SLC2A9: variants seen among roughly 807,000 people sequenced by gnomAD.
SLC2A9 encodes the protein solute carrier family 2 member 9.
SLC2A9 carries 39 observed loss-of-function variants against 50.6 expected under a neutral mutation model. The observed-to-expected ratio is 0.77, with a 90% CI of 0.60 to 1.01. The LOEUF (loss-of-function observed/expected upper bound fraction) is 1.01, where lower values mean the gene tolerates loss of function less well. Among genes scored for constraint, SLC2A9 ranks in the 50% least tolerant of loss-of-function variants. SLC2A9 has a pLI of 0.00. For missense variants in SLC2A9, 686 were observed against 677.6 expected (o/e 1.01, Z -0.14); for synonymous variants, 324 against 276.9 (o/e 1.17, Z -1.69).
Position 9,826,488 on chromosome 4 carries a change from C to T in SLC2A9, c.1532G>A (p.Ser511Asn), listed in dbSNP as rs754684143. Reference sequence around the variant, plus strand: ...TTTGTTCCTTTTGGAAAATGCCTGGCTGATTTCTGCATAGGTTCTGTTTTT... The same window carrying T: ...TTTGTTCCTTTTGGAAAATGCCTGGTTGATTTCTGCATAGGTTCTGTTTTT... ...ETKNRTYAEISQAFSKRNKAY... is the reference protein window; with the variant it reads ...ETKNRTYAEINQAFSKRNKAY... The change falls in exon 12 of 12, where the codon AGC becomes AAC. Residue 511 changes from serine (S) to asparagine (N), a missense_variant. Physicochemically the swap from Ser to Asn is conservative, Grantham distance 46 (BLOSUM62 1). Transcript: ENST00000264784. The T allele has an allele frequency of 6.2e-7, 1 of 1,614,050 alleles. No individual in the cohort carries two copies. The highest frequency in any genetic ancestry group is 1.1e-5 in the South Asian group (1 of 91,074).
intron 5 of SLC2A9, among the ~76,000 whole-genome samples, chr4:9,948,340 T>C (rs1191631770): frequency 6.6e-6 from 1 of 152,160 alleles, no homozygotes; most frequent in Non-Finnish European, 1.5e-5. Context: ...GGTTAATTGG[T>C]CTGGGGGTGC....
downstream of SLC2A9, among the ~76,000 whole-genome samples, chr4:9,795,264 C>G (rs533057871): frequency 8.3e-4 from 126 of 152,168 alleles, no homozygotes; most frequent in African/African-American, 2.9e-3. Flanking sequence ...CCTGCTTCAG[C>G]CTTCCAAAGT....
chr4:9,845,892 T>C (rs1285921348), intron 10 of SLC2A9, among the ~76,000 whole-genome samples: 6 of 152,258 alleles, frequency 3.9e-5, no homozygotes, highest in Admixed American at 2.0e-4. Flanking sequence ...TTTTGAAAAC[T>C]CTTCACGGGC....
downstream of SLC2A9, among the ~76,000 whole-genome samples, chr4:9,824,868 G>A (rs56741911): frequency 3.8e-3 from 576 of 152,094 alleles, 6 homozygotes; most frequent in African/African-American, 0.014. Context: ...CTTTCTCTTC[G>A]TCTTGACAAA....
chr4:9,838,397 T>C (rs977597860), intron 10 of SLC2A9, among the ~76,000 whole-genome samples: 1 of 152,148 alleles, frequency 6.6e-6, no homozygotes, highest in African/African-American at 2.4e-5. Context: ...TCCATGCTCA[T>C]TGATAAAAAG....
intron 8 of SLC2A9, among the ~76,000 whole-genome samples, chr4:9,902,211 C>T (rs1739764820): frequency 6.6e-6 from 1 of 152,192 alleles, no homozygotes; most frequent in African/African-American, 2.4e-5. Context: ...CTCATAACAT[C>T]CTTCACCTTC....
rs540410237 is a variant in SLC2A9 at position 9,935,087 on chromosome 4, T to C, written c.814+6826A>G. On this transcript the variant is annotated intron_variant, in intron 6 of 11. Transcript: ENST00000264784. ...GGGCATTTGGATTGGTTCCATGTCT[T>C]TGCTATTGTAAACAGTGCTGCAATA... Among the ~76,000 whole-genome samples, 7 of 152,238 alleles carry C rather than the reference T, an allele frequency of 4.6e-5. No individual in the cohort carries two copies. In the South Asian group the frequency reaches 1.2e-3, roughly 27 times the overall value.
chr4:9,897,859 T>C (rs1738855503), intron 8 of SLC2A9, among the ~76,000 whole-genome samples: 1 of 152,140 alleles, frequency 6.6e-6, no homozygotes, highest in Admixed American at 6.5e-5. Flanking sequence ...ATTGTGCTAC[T>C]GCATTCCAGC....
At chr4:9,885,105 G>A (rs577976588) in intron 10 of SLC2A9, among the ~76,000 whole-genome samples, 49 of 152,236 alleles carry the variant, frequency 3.2e-4, no homozygotes, top group African/African-American at 1.2e-3. Flanking sequence ...GATAAGTACA[G>A]CAAACCACCA....
rs138552369 is a variant in SLC2A9 at position 9,944,802 on chromosome 4, GGT to G, written c.682-2759_682-2758del. On this transcript the variant is annotated intron_variant, in intron 5 of 11. Coordinates refer to ENST00000264784, the MANE Select transcript of SLC2A9 (RefSeq NM_020041.3). ...GAGATATTAGCTGGCTGCAGGGAGA[GGT>G]GTTATAGTTAGGAGAGATTATTCCC... Among the ~76,000 whole-genome samples, 1,006 of 152,318 alleles carry G rather than the reference GGT, an allele frequency of 6.6e-3. 8 individuals are homozygous for G. Among genetic ancestry groups the G allele is most frequent in the African/African-American group, 0.023 (965 of 41,558 alleles).
chr4:9,919,084 C>T lies in SLC2A9; in HGVS notation c.1002+1301G>A, dbSNP rs75102874. Among the ~76,000 whole-genome samples the T allele has an allele frequency of 4.0e-3, 612 of 152,266 alleles. 17 individuals are homozygous for T. The East Asian group carries it at 0.053, about 13-fold the overall frequency. ...CTCAGTGTAAATGCCTCATTCACTACAGGTTCCATATTCGGTCTTTAAGGC... is the reference window on the plus strand; with the variant it reads ...CTCAGTGTAAATGCCTCATTCACTATAGGTTCCATATTCGGTCTTTAAGGC... On this transcript the variant is annotated intron_variant, in intron 7 of 11. Coordinates refer to ENST00000264784, the MANE Select transcript of SLC2A9 (RefSeq NM_020041.3).
At chr4:9,797,830 G>A (rs554557462), downstream of SLC2A9, among the ~76,000 whole-genome samples, 10 of 152,242 alleles carry the variant, frequency 6.6e-5, no homozygotes, top group East Asian at 5.8e-4. Context: ...CTCACTCTGC[G>A]CCCAGGCTAG....
chr4:9,987,197 G>A (rs1406371832), intron 3 of SLC2A9, among the ~76,000 whole-genome samples: 1 of 152,184 alleles, frequency 6.6e-6, no homozygotes, highest in East Asian at 1.9e-4. Flanking sequence ...TCTGCTCACT[G>A]CAGTTTCCAC....
chr4:9,803,892 A>T (rs764484015), intron 3 of SLC2A9, among the ~76,000 whole-genome samples: 4 of 152,232 alleles, frequency 2.6e-5, no homozygotes, highest in Non-Finnish European at 4.4e-5. Context: ...CCTCTGATAC[A>T]ATAATCACCA....
chr4:10,024,741 A>C (rs1376787563), upstream of SLC2A9, among the ~76,000 whole-genome samples: 1 of 152,236 alleles, frequency 6.6e-6, no homozygotes, highest in African/African-American at 2.4e-5. Context: ...AACTGACCTT[A>C]AACTGTCCTC....
intron 5 of SLC2A9, among the ~76,000 whole-genome samples, chr4:9,952,779 C>A (rs983395158): frequency 1.3e-5 from 2 of 152,228 alleles, no homozygotes; most frequent in African/African-American, 2.4e-5. Context: ...CCTGCCACAG[C>A]TTCCCAGAAT....
At chr4:10,039,484 A>G (rs1207093005) in intron 1 of SLC2A9, among the ~76,000 whole-genome samples, 2 of 152,144 alleles carry the variant, frequency 1.3e-5, no homozygotes, top group Non-Finnish European at 2.9e-5. Context: ...GTCCTCCGCT[A>G]TTCTCTATCT....
intron 1 of SLC2A9, 41 bp from the exon 2 acceptor site, chr4:10,019,114 C>A: frequency 6.6e-7 from 1 of 1,520,996 alleles, no homozygotes; most frequent in Non-Finnish European, 8.9e-7. Flanking sequence ...GCACCGGGCG[C>A]GCAGCCAGGG....
At chr4:9,861,700 T>C (rs973405764) in intron 10 of SLC2A9, among the ~76,000 whole-genome samples, 7 of 115,650 alleles carry the variant, frequency 6.1e-5, no homozygotes, top group Non-Finnish European at 1.1e-4. Flanking sequence ...TAAATATGGA[T>C]AAGTGAATGA....
Sources: gnomAD v4.1 joint callset for allele counts (sites outside exome capture counted in the v4.1 genomes callset) on GRCh38, gnomAD v4.1.1 for gene constraint, MANE v1.5 for transcripts, NCBI Gene and HGNC (gene_info 2026-07-23, HGNC 2026-07-21) for gene names.